The following INSR variants were observed in gnomAD, a reference collection of about 807,000 sequenced individuals.
INSR encodes the protein IR.
A neutral mutation model predicts 142.6 loss-of-function variants in INSR; 67 were observed. The observed-to-expected ratio is 0.47, with a 90% CI of 0.39 to 0.58. The LOEUF (loss-of-function observed/expected upper bound fraction) is 0.58. Ranked by LOEUF, INSR falls within the 20% of genes least tolerant of loss-of-function variation. The pLI is 0.00. For synonymous variants in INSR, 756 were observed against 743.1 expected (o/e 1.02, Z -0.28); for missense variants, 1,248 against 1,833.2 (o/e 0.68, Z 5.83).
chr19:7,187,981 C>T (rs1253302374), intron 2 of INSR, among the ~76,000 whole-genome samples: 1 of 152,096 alleles, frequency 6.6e-6, no homozygotes, highest in African/African-American at 2.4e-5. Context: ...CTAATCCCTG[C>T]CAGTCTTGCT....
At chr19:7,197,922 T>C (rs752858104) in intron 2 of INSR, among the ~76,000 whole-genome samples, 7 of 81,188 alleles carry the variant, frequency 8.6e-5, no homozygotes, top group Non-Finnish European at 1.3e-4. Flanking sequence ...AGTGAGAGTG[T>C]GTGTGTGTGT....
intron 2 of INSR, among the ~76,000 whole-genome samples, chr19:7,197,322 G>GAGTC (rs72013384): frequency 9.0e-4 from 13 of 14,392 alleles, no homozygotes; most frequent in African/African-American, 2.4e-3. Flanking sequence ...TTCGGAGAGA[G>GAGTC]AGTGAGTGAG....
intron 14 of INSR, among the ~76,000 whole-genome samples, chr19:7,131,860 G>A (rs917020273): frequency 2.6e-5 from 4 of 151,344 alleles, no homozygotes; most frequent in African/African-American, 7.3e-5. Context: ...TTAGCCGGGC[G>A]TGGTGGTGGG....
intron 12 of INSR, 110 bp downstream of exon 12, chr19:7,142,706 G>C: frequency 2.2e-6 from 3 of 1,344,670 alleles, no homozygotes; most frequent in Non-Finnish European, 3.1e-6. Context: ...CAAAAATGAA[G>C]GCCAATAAGG....
intron 2 of INSR, among the ~76,000 whole-genome samples, chr19:7,253,035 A>C (rs989403817): frequency 1.3e-5 from 2 of 151,304 alleles, no homozygotes; most frequent in Admixed American, 6.6e-5. Flanking sequence ...GAATCCCTTG[A>C]ACCCGGGAGG....
At chr19:7,178,954 G>A (rs920600322) in intron 3 of INSR, among the ~76,000 whole-genome samples, 24 of 152,250 alleles carry the variant, frequency 1.6e-4, no homozygotes, top group African/African-American at 5.1e-4. Context: ...TCTGCCACCC[G>A]GGCTGGGGTG....
At chr19:7,221,383 G>GGAC (rs1016387591) in intron 2 of INSR, among the ~76,000 whole-genome samples, 3 of 144,340 alleles carry the variant, frequency 2.1e-5, no homozygotes, top group African/African-American at 5.2e-5. Flanking sequence ...AAAAAAAGGA[G>GGAC]GAGGAGGAGG....
rs2245648 is a variant in INSR, at chr19:7,163,219, T to C, written c.1862-20A>G. 386,569 of 1,594,760 alleles carry C rather than the reference T, an allele frequency of 0.24. 51,510 individuals carry two copies. The highest frequency in any genetic ancestry group is 0.39 in the African/African-American group (29,004 of 73,922). On this transcript the variant is annotated intron_variant, in intron 8 of 21. Transcript: ENST00000302850. The stretch of plus-strand genomic sequence containing the variant: ...AGGGGTCTGTCAGGGAGAAAGGAAA[T>C]GGGTCCATCATGAGAAACAGTGTGC...
chr19:7,153,369 A>T (rs1318193346), intron 9 of INSR, among the ~76,000 whole-genome samples: 6 of 76,830 alleles, frequency 7.8e-5, no homozygotes, highest in Admixed American at 1.2e-4. Flanking sequence ...CACACACCCC[A>T]CACACACCAT....
Position 7,267,259 on chromosome 19 carries a change from A to G in INSR, c.652+86T>C, listed in dbSNP as rs1600111096. 4.9e-6 allele frequency: 7 copies of G among 1,429,864 alleles called. No individual in the cohort carries two copies. Among genetic ancestry groups the G allele is most frequent in the African/African-American group, 1.5e-5 (1 of 66,252 alleles). 88.6% of individuals were successfully genotyped at this position (1,429,864 alleles called of 1,614,324 possible). On this transcript the variant is annotated intron_variant, in intron 2 of 21. Transcript: ENST00000302850. This position sits in a 1 kb window ranked among gnomAD's most constrained non-coding sequence, Gnocchi z 6.3. ...ATTCCCCGGCCCCTACCTAATGACC[A>G]TTTAACATTTTTAAGCCATAAAACA...
Position 7,152,713 on chromosome 19 carries a change from G to A in INSR, c.2231+13C>T. 6.2e-7 allele frequency: 1 copy of A among 1,608,354 alleles called. No individual in the cohort carries two copies. The highest frequency in any genetic ancestry group is 2.1e-4 in the Middle Eastern group (1 of 4,726). On this transcript the variant is annotated intron_variant, in intron 10 of 21. Transcript: ENST00000302850. ...TTGGCACCCACTAAGAGAGCCCAGC[G>A]CCAAGTCCTGACCTGGGGACGAAAA...
At chr19:7,254,028 C>CA (rs59085878) in intron 2 of INSR, among the ~76,000 whole-genome samples, 1,714 of 125,122 alleles carry the variant, frequency 0.014, 23 homozygotes, top group Non-Finnish European at 0.022. Flanking sequence ...AACTCCATCT[C>CA]AAAAAAAAAA....
chr19:7,152,222 C>G, intron 10 of INSR: 1 of 215,346 alleles, frequency 4.6e-6, no homozygotes, highest in South Asian at 6.4e-5. Context: ...AAAACCCCGT[C>G]TCTACTAAAA....
chr19:7,122,734 T>G lies in INSR; in HGVS notation c.3409A>C (p.Ile1137Leu). ...GRPPPTLQEMIQMAAEIADGM... is the reference protein window; with the variant it reads ...GRPPPTLQEMLQMAAEIADGM... ...TCAGCAATCTCTGCCGCCATCTGAA[T>G]CATCTCTTGAAGGGTAGGGGGAGGG... is the stretch of plus-strand genomic sequence containing the variant. Residue 1137 changes from isoleucine (I) to leucine (L), a missense_variant, in exon 19 of 22, where the codon ATT (isoleucine) becomes CTT (leucine). Physicochemically the swap from Ile to Leu is conservative, Grantham distance 5. Transcript: ENST00000302850. 1.9e-6 allele frequency: 3 copies of G among 1,614,160 alleles called. No homozygotes were observed. The highest frequency in any genetic ancestry group is 2.5e-6 in the Non-Finnish European group (3 of 1,180,024).
intron 13 of INSR, among the ~76,000 whole-genome samples, chr19:7,132,611 G>A (rs1376831467): frequency 1.4e-5 from 2 of 141,488 alleles, no homozygotes; most frequent in Non-Finnish European, 3.1e-5. Context: ...TTTTTTTCCA[G>A]ACGGAGTTTC....
chr19:7,194,459 A>G (rs1974684267), intron 2 of INSR, among the ~76,000 whole-genome samples: 2 of 151,478 alleles, frequency 1.3e-5, no homozygotes, highest in African/African-American at 4.9e-5. Context: ...TACAAAATCA[A>G]TATGGGGCTC....
intron 2 of INSR, among the ~76,000 whole-genome samples, chr19:7,240,320 T>A (rs1339442396): frequency 6.6e-6 from 1 of 151,946 alleles, no homozygotes; most frequent in Non-Finnish European, 1.5e-5. Flanking sequence ...TGGTGGCTCA[T>A]GCCTGTAATC....
At chr19:7,269,424 C>T (rs1967849243) in intron 1 of INSR, among the ~76,000 whole-genome samples, 1 of 135,852 alleles carries the variant, frequency 7.4e-6, no homozygotes, top group African/African-American at 2.8e-5. Flanking sequence ...CACACACACA[C>T]ACTTGCTTGC....
rs1477942789 is a variant in INSR at position 7,125,337 on chromosome 19, C to A, written c.3204G>T (p.Arg1068=). The A allele has an allele frequency of 2.5e-6, 4 of 1,613,980 alleles. No individual in the cohort carries two copies. In the African/African-American group the frequency reaches 4.0e-5, roughly 16 times the overall value. Residue 1068 remains arginine, a synonymous_variant, in exon 17 of 22, where the codon CGG becomes CGT. Coordinates refer to ENST00000302850, the MANE Select transcript of INSR (RefSeq NM_000208.4). This position sits in a 1 kb window ranked among gnomAD's most constrained non-coding sequence, Gnocchi z 4.9. ...TVNESASLRE[R]IEFLNEASVM... ...CCGAGGCCTCATTGAGGAACTCAATCCGCTCTCGGAGACTGGCTGACTCGT... is the reference window on the plus strand; with the variant it reads ...CCGAGGCCTCATTGAGGAACTCAATACGCTCTCGGAGACTGGCTGACTCGT...
Sources: allele counts gnomAD v4.1 joint callset (sites outside exome capture counted in the v4.1 genomes callset), GRCh38; gene constraint gnomAD v4.1.1; non-coding constraint Gnocchi (gnomAD v3.1); transcripts MANE v1.5; gene names NCBI Gene and HGNC (gene_info 2026-07-23, HGNC 2026-07-21).